The following CEP250 variants were observed in gnomAD, a reference collection of about 807,000 sequenced individuals.
The protein encoded by CEP250 is centrosomal protein 250.
CEP250 carries 242 observed loss-of-function variants against 315.7 expected under a neutral mutation model. The ratio of observed to expected loss-of-function variants is 0.77; its 90% CI spans 0.69 to 0.85. The LOEUF is 0.85. CEP250 is among the 40% of genes least tolerant of loss of function. CEP250 has a pLI of 0.00. For missense variants in CEP250, 2,515 were observed against 2,886.4 expected, an observed-to-expected ratio of 0.87 and a Z score of 2.95; for synonymous variants, 1,088 against 1,175.0, an observed-to-expected ratio of 0.93 and a Z score of 1.51.
chr20:35,462,252 C>A lies in CEP250; in HGVS notation c.-103-13C>A. 1 of 734,436 alleles carries A rather than the reference C, an allele frequency of 1.4e-6. No homozygotes were observed. The highest frequency in any genetic ancestry group is 2.2e-6 in the Non-Finnish European group (1 of 447,676). 45.5% of individuals were successfully genotyped at this position (734,436 alleles called of 1,614,324 possible). ...ACAGTCCTTTCCATTTGACTATGTG[C>A]TTTGGTCCCCAGTTCAAGAGGAGGT... On this transcript the variant is annotated splice_polypyrimidine_tract_variant and intron_variant, in intron 3 of 34. Coordinates refer to ENST00000397527, the MANE Select transcript of CEP250 (RefSeq NM_007186.6).
intron 30 of CEP250, among the ~76,000 whole-genome samples, chr20:35,505,423 C>T (rs775426239): frequency 3.8e-4 from 58 of 152,164 alleles, no homozygotes; most frequent in African/African-American, 6.7e-4. Flanking sequence ...GAAGCCGAGG[C>T]GGGCAGATCA....
chr20:35,463,393 A>G (rs1041461342), intron 4 of CEP250, among the ~76,000 whole-genome samples, 182 bp from the exon 5 acceptor site: 1 of 152,174 alleles, frequency 6.6e-6, no homozygotes, highest in Non-Finnish European at 1.5e-5. Flanking sequence ...ACAGAGCGAG[A>G]CTCCATCTCA....
rs757809499 is a variant in CEP250 at position 35,472,166 on chromosome 20, C to G, written c.1050+15C>G. On this transcript the variant is annotated intron_variant, in intron 11 of 34. Coordinates refer to ENST00000397527, the MANE Select transcript of CEP250 (RefSeq NM_007186.6). The stretch of plus-strand genomic sequence containing the variant: ...ATATAACCCAGGTACTGGGAAGCCT[C>G]CTGTTCATGGTAACCAGGTTATGCC... 3.5e-5 allele frequency: 53 copies of G among 1,503,256 alleles called. No individual in the cohort carries two copies. The highest frequency in any genetic ancestry group is 1.7e-4 in the Middle Eastern group (1 of 5,876). The allele number at this position is 1,503,256 out of a possible 1,614,324, so 93.1% of individuals were successfully genotyped here.
Position 35,478,028 on chromosome 20 carries a change from C to G in CEP250, c.2021C>G (p.Ala674Gly), listed in dbSNP as rs1365724118. The stretch of plus-strand genomic sequence containing the variant: ...GCTCAGCTGCAGAAAGCTGAGGAGG[C>G]TGGGGCTGAGCTGCAGGCAGATCTC... ...LEAQLQKAEE[A>G]GAELQADLRD... The change falls in exon 17 of 35, where the codon GCT becomes GGT. Residue 674 changes from alanine to glycine, a missense_variant. By Grantham distance (60) the Ala-to-Gly change is moderately conservative. Coordinates refer to ENST00000397527, the MANE Select transcript of CEP250 (RefSeq NM_007186.6). 1 of 1,614,112 alleles carries G rather than the reference C, an allele frequency of 6.2e-7. No homozygotes were observed. Among genetic ancestry groups the G allele is most frequent in the South Asian group, 1.1e-5 (1 of 91,064 alleles).
chr20:35,488,996 G>A (rs1001406668), intron 20 of CEP250, among the ~76,000 whole-genome samples: 62 of 152,166 alleles, frequency 4.1e-4, no homozygotes, highest in African/African-American at 1.5e-3. Flanking sequence ...AACCAGCCTG[G>A]CCAACGTGGT....
Position 35,511,865 on chromosome 20 carries a change from G to A in CEP250, c.*239G>A. 7.5e-7 allele frequency: 1 copy of A among 1,339,674 alleles called. No individual in the cohort carries two copies. Among genetic ancestry groups the A allele is most frequent in the South Asian group, 2.2e-5 (1 of 45,060 alleles). 83.0% of individuals were successfully genotyped at this position (1,339,674 alleles called of 1,614,324 possible). A position where few individuals can be genotyped will look rare whatever the true frequency, so the allele number is the denominator to read the frequency against. ...ATGGAATCACCCAGAGGGGTGCCTTGCCCTGGCTGAGGGACATGTACTGCC... is the reference window on the plus strand; with the variant it reads ...ATGGAATCACCCAGAGGGGTGCCTTACCCTGGCTGAGGGACATGTACTGCC... On this transcript the variant is annotated 3_prime_UTR_variant, in exon 35 of 35. Transcript: ENST00000397527.
In CEP250 at chr20:35,511,855, G is replaced by A. The variant is rs1243235227; in HGVS notation, c.*229G>A. The A allele has an allele frequency of 3.7e-6, 5 of 1,359,444 alleles. No individual in the cohort carries two copies. The highest frequency in any genetic ancestry group is 3.8e-6 in the Non-Finnish European group (4 of 1,059,598). The allele number at this position is 1,359,444 out of a possible 1,614,324, so 84.2% of individuals were successfully genotyped here. On this transcript the variant is annotated 3_prime_UTR_variant, in exon 35 of 35. Transcript: ENST00000397527. The stretch of plus-strand genomic sequence containing the variant: ...CTTGCTCCCTATGGAATCACCCAGA[G>A]GGGTGCCTTGCCCTGGCTGAGGGAC...
rs535692545 is a variant in CEP250 at position 35,509,853 on chromosome 20, T to TAGAC, written c.7009-144_7009-141dup. The stretch of plus-strand genomic sequence containing the variant: ...CCTTGCTGCAGGGCCTGCTGCCCCA[T>TAGAC]AGACGTCCAGTCTGAGTTCAGATGC... On this transcript the variant is annotated intron_variant, in intron 33 of 34. Coordinates refer to ENST00000397527, the MANE Select transcript of CEP250 (RefSeq NM_007186.6). 657 of 726,582 alleles carry TAGAC rather than the reference T, an allele frequency of 9.0e-4. 1 individual carries two copies. The African/African-American group carries it at 0.01, about 11-fold the overall frequency. The allele number at this position is 726,582 out of a possible 1,614,324, so 45.0% of individuals were successfully genotyped here.
At chr20:35,475,794 C>A in intron 15 of CEP250, 148 bp downstream of exon 15, 1 of 818,990 alleles carries the variant, frequency 1.2e-6, no homozygotes, top group Non-Finnish European at 1.9e-6. Flanking sequence ...CCAACATACC[C>A]TCTATATTGG....
At chr20:35,485,645 CTT>C (rs782622070) in intron 20 of CEP250, among the ~76,000 whole-genome samples, 48 of 33,798 alleles carry the variant, frequency 1.4e-3, no homozygotes, top group African/African-American at 5.2e-3. Context: ...GTCTGCCTGG[CTT>C]TTTTTTTTTT....
intron 20 of CEP250, among the ~76,000 whole-genome samples, chr20:35,488,905 G>T (rs1005169664): frequency 6.6e-6 from 1 of 152,100 alleles, no homozygotes; most frequent in Non-Finnish European, 1.5e-5. Flanking sequence ...GAACATGTTG[G>T]CTGGGTGCAG....
Position 35,512,096 on chromosome 20 carries a change from T to C in CEP250, c.*470T>C, listed in dbSNP as rs2147245767. On this transcript the variant is annotated 3_prime_UTR_variant, in exon 35 of 35. Transcript: ENST00000397527. ...CATGCATTTATTGTACACCATGCACTGTGATAGGGAAGGGTTACAGAGAAC... is the reference window on the plus strand; with the variant it reads ...CATGCATTTATTGTACACCATGCACCGTGATAGGGAAGGGTTACAGAGAAC... 2 of 950,876 alleles carry C rather than the reference T, an allele frequency of 2.1e-6. No homozygotes were observed. The highest frequency in any genetic ancestry group is 2.5e-6 in the Non-Finnish European group (2 of 794,496). 58.9% of individuals were successfully genotyped at this position (950,876 alleles called of 1,614,324 possible). A position where few individuals can be genotyped will look rare whatever the true frequency, so the allele number is the denominator to read the frequency against.
At position 35,511,553 on chromosome 20, in the gene CEP250, C is replaced by A. The variant is rs753961048; in HGVS notation, c.7256C>A (p.Thr2419Asn). ...ACCCGCAGGCTGGATGAGTCCCTGACTCAAAGTCTGACATCCCCAGGGCCA... is the reference window on the plus strand; with the variant it reads ...ACCCGCAGGCTGGATGAGTCCCTGAATCAAAGTCTGACATCCCCAGGGCCA... ...AETRRLDESL[T>N]QSLTSPGPVL... The change falls in exon 35 of 35, where the codon ACT (threonine) becomes AAT (asparagine). Residue 2419 changes from threonine (T) to asparagine (N), a missense_variant. Transcript: ENST00000397527. The A allele has an allele frequency of 5.0e-6, 8 of 1,614,074 alleles. No homozygotes were observed. The highest frequency in any genetic ancestry group is 6.8e-6 in the Non-Finnish European group (8 of 1,180,022).
intron 33 of CEP250, among the ~76,000 whole-genome samples, chr20:35,509,794 A>G (rs892797907): frequency 1.3e-5 from 2 of 152,272 alleles, no homozygotes; most frequent in Non-Finnish European, 2.9e-5. Flanking sequence ...TCAGGTCTCC[A>G]TGGCGTTGCC....
rs1271845143 is a variant in CEP250 at position 35,465,749 on chromosome 20, A to G, written c.250A>G (p.Ile84Val). The G allele has an allele frequency of 1.9e-6, 3 of 1,601,134 alleles. No homozygotes were observed. Among genetic ancestry groups the G allele is most frequent in the Non-Finnish European group, 2.6e-6 (3 of 1,174,520 alleles). Residue 84 changes from isoleucine to valine, a missense_variant, in exon 6 of 35, where the codon ATC becomes GTC. By Grantham distance (29) the Ile-to-Val change is conservative. Coordinates refer to ENST00000397527, the MANE Select transcript of CEP250 (RefSeq NM_007186.6). ...TTGTCTCTGTCTGGCGCAGGGACCA[A>G]TCCCCCAGAGGTGGGAAAATGTGGA... ...EKRLEATGGP[I>V]PQRWENVEEP...
intron 21 of CEP250, 170 bp from the exon 22 acceptor site, chr20:35,491,042 G>A: frequency 1.2e-6 from 1 of 862,412 alleles, no homozygotes; most frequent in Non-Finnish European, 1.8e-6. Context: ...CAAACCAGTG[G>A]TAATCTTTGC....
chr20:35,509,102 T>C, intron 33 of CEP250, 58 bp downstream of exon 33: 2 of 1,383,904 alleles, frequency 1.4e-6, no homozygotes, highest in Non-Finnish European at 2.0e-6. Context: ...CACCAGAAAC[T>C]CAGCCCTCCT....
At chr20:35,463,763 G>GAGAA in intron 5 of CEP250, 132 bp downstream of exon 5, 9 of 597,862 alleles carry the variant, frequency 1.5e-5, no homozygotes, top group Non-Finnish European at 2.3e-5. Context: ...CTCAGCCTCT[G>GAGAA]AGAGGTTTAT....
chr20:35,469,650 C>T (rs1337687770), intron 9 of CEP250, among the ~76,000 whole-genome samples: 2 of 152,312 alleles, frequency 1.3e-5, no homozygotes, highest in Non-Finnish European at 2.9e-5. Context: ...AACACGTGTT[C>T]CAGCCTTGAG....
Sources: gnomAD v4.1 joint callset for allele counts (sites outside exome capture counted in the v4.1 genomes callset) on GRCh38, gnomAD v4.1.1 for gene constraint, MANE v1.5 for transcripts, NCBI Gene and HGNC (gene_info 2026-07-23, HGNC 2026-07-21) for gene names.